The following PTPRK variants were observed in gnomAD, a reference collection of about 807,000 sequenced individuals.
PTPRK encodes protein tyrosine phosphatase receptor type K, also known as receptor-type tyrosine-protein phosphatase kappa.
Under a neutral mutation model 178.0 loss-of-function variants are expected in PTPRK, and 75 were observed. The observed-to-expected ratio is 0.42, with a 90% CI of 0.35 to 0.51. The LOEUF (loss-of-function observed/expected upper bound fraction) is 0.51. PTPRK is among the 20% of genes least tolerant of loss of function. The probability of loss-of-function intolerance (pLI) is 0.02; values close to 1 mark genes in which losing one functional copy is unlikely to be tolerated. For missense variants in PTPRK, 1,441 were observed against 1,797.8 expected (o/e 0.80, Z 3.59); for synonymous variants, 637 against 620.6 (o/e 1.03, Z -0.39).
chr6:128,410,688 C>T (rs185649676), intron 1 of PTPRK, among the ~76,000 whole-genome samples: 37 of 152,240 alleles, frequency 2.4e-4, no homozygotes, highest in African/African-American at 6.0e-4. Flanking sequence ...TCTGACTCAA[C>T]GGCATTAACT....
chr6:128,152,314 A>C (rs1019196313), intron 7 of PTPRK, among the ~76,000 whole-genome samples: 1 of 152,058 alleles, frequency 6.6e-6, no homozygotes, highest in Non-Finnish European at 1.5e-5. Flanking sequence ...AGATGAATCC[A>C]AAGTACTGAT....
At chr6:128,326,263 C>G (rs992042188) in intron 2 of PTPRK, among the ~76,000 whole-genome samples, 1 of 152,104 alleles carries the variant, frequency 6.6e-6, no homozygotes, top group African/African-American at 2.4e-5. Flanking sequence ...ACTTATGTAA[C>G]AAACCTGCAC....
At chr6:128,270,923 G>A (rs1819707662) in intron 3 of PTPRK, among the ~76,000 whole-genome samples, 1 of 152,026 alleles carries the variant, frequency 6.6e-6, no homozygotes, top group Non-Finnish European at 1.5e-5. Flanking sequence ...TATAAAAGGA[G>A]AGGGCAGAAC....
chr6:128,203,186 C>T (rs1456304218), intron 6 of PTPRK, among the ~76,000 whole-genome samples: 3 of 152,102 alleles, frequency 2.0e-5, no homozygotes, highest in Admixed American at 6.6e-5. Flanking sequence ...ACATGATTAT[C>T]GCAATAGATG....
intron 1 of PTPRK, chr6:128,472,681 C>A: frequency 8.5e-6 from 3 of 351,836 alleles, no homozygotes; most frequent in South Asian, 4.8e-5. Context: ...TCTTTAACCC[C>A]AATATTTCAA....
At chr6:128,282,453 CCT>C (rs1821824717) in intron 3 of PTPRK, among the ~76,000 whole-genome samples, 3 of 152,204 alleles carry the variant, frequency 2.0e-5, no homozygotes, top group Admixed American at 1.3e-4. Flanking sequence ...CTCACTGCTC[CCT>C]GTCATTCCCC....
At chr6:128,475,450 G>T (rs900272362) in intron 1 of PTPRK, among the ~76,000 whole-genome samples, 2 of 152,000 alleles carry the variant, frequency 1.3e-5, no homozygotes, top group South Asian at 4.1e-4. Context: ...AACTAAAGTG[G>T]AAGACAGGAG....
chr6:128,323,837 T>C (rs1286404352), intron 2 of PTPRK, among the ~76,000 whole-genome samples: 2 of 152,132 alleles, frequency 1.3e-5, no homozygotes, highest in Non-Finnish European at 2.9e-5. Context: ...GATTCTTTTT[T>C]TTTTCTCTCT....
At chr6:128,363,160 C>T (rs1033425636) in intron 2 of PTPRK, among the ~76,000 whole-genome samples, 1 of 152,142 alleles carries the variant, frequency 6.6e-6, no homozygotes, top group Admixed American at 6.6e-5. Flanking sequence ...TTGTCTGCTG[C>T]CCACATTTCT....
At chr6:128,222,190 T>A (rs1166324271) in intron 5 of PTPRK, among the ~76,000 whole-genome samples, 3 of 152,242 alleles carry the variant, frequency 2.0e-5, no homozygotes, top group African/African-American at 4.8e-5. Context: ...AACCCTTCTC[T>A]TGTGAAGAGA....
chr6:128,006,110 G>A (rs1389158210), intron 14 of PTPRK: 55 of 1,343,870 alleles, frequency 4.1e-5, no homozygotes, highest in South Asian at 5.3e-5. Flanking sequence ...AATGAAAAGC[G>A]TGACTCTGTC....
chr6:128,296,687 C>T (rs1438839414), intron 3 of PTPRK, among the ~76,000 whole-genome samples: 7 of 152,078 alleles, frequency 4.6e-5, no homozygotes, highest in Non-Finnish European at 8.8e-5. Flanking sequence ...GAGATTTTGT[C>T]ACCACCAGGC....
chr6:128,519,107 C>T lies in PTPRK; in HGVS notation c.100+1152G>A, dbSNP rs1463151487. 1.9e-6 allele frequency: 1 copy of T among 530,896 alleles called. No individual in the cohort carries two copies. The highest frequency in any genetic ancestry group is 3.9e-6 in the Non-Finnish European group (1 of 258,976). The allele number at this position is 530,896 out of a possible 1,614,324, so 32.9% of individuals were successfully genotyped here. On this transcript the variant is annotated intron_variant, in intron 1 of 29. Transcript: ENST00000368226. The surrounding 1 kb of genome is among the most constrained non-coding windows in gnomAD (Gnocchi z 4.3). ...ACTGCGTCTCCATCTGCACCGCGAA[C>T]CCCAGCAGCAGATGCGCTCGCCAGC...
At chr6:128,041,770 CTGTG>C (rs892857855) in intron 13 of PTPRK, among the ~76,000 whole-genome samples, 18 of 151,246 alleles carry the variant, frequency 1.2e-4, no homozygotes, top group Non-Finnish European at 2.1e-4. Flanking sequence ...ATATGTGTGA[CTGTG>C]TATGTGTAGA....
rs965339043 is a variant in PTPRK, at chr6:127,969,504, GTTTAC to G, written c.*718_*722del. 2 of 151,698 alleles carry G rather than the reference GTTTAC, an allele frequency of 1.3e-5. No homozygotes were observed. The highest frequency in any genetic ancestry group is 6.6e-5 in the Admixed American group (1 of 15,212). The allele number at this position is 151,698 out of a possible 1,614,324, so 9.4% of individuals were successfully genotyped here. On this transcript the variant is annotated 3_prime_UTR_variant, in exon 30 of 30. Transcript: ENST00000368226. ...ATACAAAAAATAATCTACAAAAATCGTTTACAATTGATTTTAGCTAAAGAAAAAGC... is the reference window on the plus strand; with the variant it reads ...ATACAAAAAATAATCTACAAAAATCGAATTGATTTTAGCTAAAGAAAAAGC...
At chr6:128,086,890 A>G (rs527836715) in intron 8 of PTPRK, among the ~76,000 whole-genome samples, 3 of 152,120 alleles carry the variant, frequency 2.0e-5, no homozygotes, top group Non-Finnish European at 4.4e-5. Flanking sequence ...GAAACTTAAT[A>G]TAATTAAAAC....
Position 128,303,621 on chromosome 6 carries a change from T to C in PTPRK, c.495+18418A>G, listed in dbSNP as rs116810354. On this transcript the variant is annotated intron_variant, in intron 3 of 29. Coordinates refer to ENST00000368226, the MANE Select transcript of PTPRK (RefSeq NM_002844.4). ...ATAAATCATACATTCTCTAAGTAGA[T>C]AGGACTCTTTGCTACCTCAATATCT... Among the ~76,000 whole-genome samples the C allele has an allele frequency of 9.7e-3, 1,477 of 152,310 alleles. 21 individuals are homozygous for C. Among genetic ancestry groups the C allele is most frequent in the African/African-American group, 0.033 (1,359 of 41,556 alleles).
rs56189580 is a variant in PTPRK, at chr6:128,407,633, CAAAAAAAAAA to C, written c.101-9955_101-9946del. Among the ~76,000 whole-genome samples the C allele has an allele frequency of 1.5e-4, 15 of 97,760 alleles. No individual in the cohort carries two copies. The East Asian group carries it at 3.6e-3, about 24-fold the overall frequency. The allele number at this position is 97,760 out of a possible 152,430, so 64.1% of individuals were successfully genotyped here. A position where few individuals can be genotyped will look rare whatever the true frequency, so the allele number is the denominator to read the frequency against. ...CCTGATGGACAGAGCAAGACCCTAT[CAAAAAAAAAA>C]AAAAAAAAAAAAGAAGAAGAAGAAG... On this transcript the variant is annotated intron_variant, in intron 1 of 29. Coordinates refer to ENST00000368226, the MANE Select transcript of PTPRK (RefSeq NM_002844.4).
intron 12 of PTPRK, among the ~76,000 whole-genome samples, chr6:128,066,369 T>G (rs1283798945): frequency 6.6e-6 from 1 of 152,140 alleles, no homozygotes; most frequent in East Asian, 1.9e-4. Flanking sequence ...TGCTGTGGCC[T>G]TTTTCTTTGC....
Sources: gnomAD v4.1 joint callset for allele counts (sites outside exome capture counted in the v4.1 genomes callset) on GRCh38, gnomAD v4.1.1 for gene constraint, Gnocchi (gnomAD v3.1) non-coding constraint, MANE v1.5 for transcripts, NCBI Gene and HGNC (gene_info 2026-07-23, HGNC 2026-07-21) for gene names.